Variants in LRRC28 observed in about 807,000 individuals in gnomAD.
LRRC28 encodes the protein leucine-rich repeat-containing protein 28.
In LRRC28, 39 loss-of-function variants were observed where a neutral mutation model predicts 45.7. That is an observed-to-expected ratio of 0.85 (90% CI 0.66 to 1.12). The LOEUF is 1.12. LRRC28 is among the 50% of genes most tolerant of loss of function. The probability of loss-of-function intolerance (pLI) is 0.00; values close to 1 mark genes in which losing one functional copy is unlikely to be tolerated. For synonymous variants in LRRC28, 206 were observed against 178.8 expected (o/e 1.15, Z -1.22); for missense variants, 435 against 438.5 (o/e 0.99, Z 0.07).
At chr15:99,349,747 A>G (rs942688090) in intron 6 of LRRC28, among the ~76,000 whole-genome samples, 4 of 152,228 alleles carry the variant, frequency 2.6e-5, no homozygotes, top group African/African-American at 9.6e-5. Context: ...AATACCAAAA[A>G]CCGGATCAAA....
At chr15:99,280,395 C>G (rs2152187491) in intron 3 of LRRC28, among the ~76,000 whole-genome samples, 1 of 151,778 alleles carries the variant, frequency 6.6e-6, no homozygotes, top group South Asian at 2.1e-4. Flanking sequence ...AGACTCTCTC[C>G]TTTCCCCGCC....
intron 7 of LRRC28, among the ~76,000 whole-genome samples, chr15:99,357,087 T>A (rs1224478407): frequency 3.9e-5 from 6 of 152,158 alleles, no homozygotes; most frequent in Non-Finnish European, 5.9e-5. Flanking sequence ...GAAGAAAAAC[T>A]TTTTTGCTAA....
At chr15:99,276,484 C>A in intron 2 of LRRC28, 92 bp from the exon 3 acceptor site, 1 of 948,964 alleles carries the variant, frequency 1.1e-6, no homozygotes, top group South Asian at 1.8e-5. Context: ...AATTTACACC[C>A]CTCAAAAAGG....
At chr15:99,349,740 A>G (rs1956811041) in intron 6 of LRRC28, among the ~76,000 whole-genome samples, 1 of 152,242 alleles carries the variant, frequency 6.6e-6, no homozygotes, top group Non-Finnish European at 1.5e-5. Flanking sequence ...GGGATGAAAT[A>G]CCAAAAACCG....
intron 9 of LRRC28, among the ~76,000 whole-genome samples, chr15:99,385,481 G>T (rs138197101): frequency 1.3e-5 from 2 of 152,220 alleles, no homozygotes; most frequent in African/African-American, 4.8e-5. Flanking sequence ...CACGCACAAA[G>T]GTGCCCAAAC....
intron 6 of LRRC28, among the ~76,000 whole-genome samples, chr15:99,342,629 G>C (rs981416530): frequency 6.6e-6 from 1 of 152,098 alleles, no homozygotes; most frequent in Non-Finnish European, 1.5e-5. Flanking sequence ...TTCATGTTTG[G>C]ACCCCAAGCA....
At chr15:99,371,251 G>A (rs1597452317) in intron 9 of LRRC28, among the ~76,000 whole-genome samples, 1 of 152,134 alleles carries the variant, frequency 6.6e-6, no homozygotes, top group Admixed American at 6.5e-5. Context: ...ACTGCCAGCC[G>A]GGTGCTGTGG....
In LRRC28 at chr15:99,387,582, G is replaced by T. The variant is rs1273574087; in HGVS notation, c.*1480G>T. 6.6e-6 allele frequency: 1 copy of T among 152,224 alleles called. No individual in the cohort carries two copies. The highest frequency in any genetic ancestry group is 1.5e-5 in the Non-Finnish European group (1 of 68,044). 9.4% of individuals were successfully genotyped at this position (152,224 alleles called of 1,614,324 possible). On this transcript the variant is annotated 3_prime_UTR_variant, in exon 10 of 10. Coordinates refer to ENST00000301981, the MANE Select transcript of LRRC28 (RefSeq NM_144598.5). ...CTGTGAGCCTCCACCCTGCCAGAAA[G>T]AACTCTTCATGAAGAAGTCACGTAT...
chr15:99,356,490 A>G (rs1323006697), intron 7 of LRRC28, among the ~76,000 whole-genome samples: 4 of 152,230 alleles, frequency 2.6e-5, no homozygotes, highest in African/African-American at 4.8e-5. Context: ...AAATGATCCA[A>G]TCTGAAGGAC....
At chr15:99,275,007 G>GA (rs76523141) in intron 2 of LRRC28, among the ~76,000 whole-genome samples, 4 of 151,352 alleles carry the variant, frequency 2.6e-5, no homozygotes, top group South Asian at 2.1e-4. Context: ...GAATGTAAAT[G>GA]AAAAAAAAAT....
At chr15:99,279,521 C>A (rs2081720924) in intron 3 of LRRC28, among the ~76,000 whole-genome samples, 1 of 152,180 alleles carries the variant, frequency 6.6e-6, no homozygotes, top group Admixed American at 6.5e-5. Context: ...TGAGACAAAT[C>A]TTTGACAGTT....
intron 1 of LRRC28, among the ~76,000 whole-genome samples, chr15:99,253,006 TAGAC>T (rs750187136): frequency 6.6e-6 from 1 of 152,100 alleles, no homozygotes; most frequent in Admixed American, 6.5e-5. Flanking sequence ...TTATTGACAA[TAGAC>T]AGATGCAACG....
chr15:99,321,894 A>C (rs539270831), intron 5 of LRRC28, among the ~76,000 whole-genome samples: 2 of 152,232 alleles, frequency 1.3e-5, no homozygotes, highest in African/African-American at 4.8e-5. Flanking sequence ...TAAATGAATA[A>C]GTAATTAAAT....
chr15:99,273,392 A>G (rs2081533004), intron 2 of LRRC28, among the ~76,000 whole-genome samples: 1 of 151,874 alleles, frequency 6.6e-6, no homozygotes, highest in Admixed American at 6.6e-5. Context: ...ACTCACCACC[A>G]CGCCCGGCTA....
At chr15:99,350,379 C>T (rs1956840536) in intron 6 of LRRC28, among the ~76,000 whole-genome samples, 1 of 152,094 alleles carries the variant, frequency 6.6e-6, no homozygotes, top group South Asian at 2.1e-4. Flanking sequence ...AATGTTAACC[C>T]ACCCTACCCT....
intron 1 of LRRC28, among the ~76,000 whole-genome samples, chr15:99,255,043 C>G (rs144342970): frequency 0.013 from 2,041 of 152,148 alleles, 67 homozygotes; most frequent in Non-Finnish European, 0.011. Flanking sequence ...TTCTTTGATG[C>G]CTCTGATAAT....
chr15:99,386,085 TTTGACCTGCTGAG>T lies in LRRC28; in HGVS notation c.1092_1104del (p.Leu365LysfsTer12). 1 of 1,614,100 alleles carries T rather than the reference TTTGACCTGCTGAG, an allele frequency of 6.2e-7. No individual in the cohort carries two copies. Among genetic ancestry groups the T allele is most frequent in the Non-Finnish European group, 8.5e-7 (1 of 1,179,962 alleles). On this transcript the variant is annotated frameshift_variant, in exon 10 of 10. Coordinates refer to ENST00000301981, the MANE Select transcript of LRRC28 (RefSeq NM_144598.5). LOFTEE classifies it high-confidence loss of function. ...CTGCTCCACCCAGTGTCTGCAGACT[TTTGACCTGCTGAG>T]TTGATAAACACTCAAGAACCTCAGG...
chr15:99,276,695 C>A, intron 3 of LRRC28, 79 bp downstream of exon 3: 1 of 1,139,170 alleles, frequency 8.8e-7, no homozygotes, highest in Non-Finnish European at 1.2e-6. Flanking sequence ...GATATGTCAT[C>A]TTAATGTATT....
At chr15:99,293,622 A>AAAAAAAAAAAAAAAAAAC (rs2082189393) in intron 5 of LRRC28, among the ~76,000 whole-genome samples, 1 of 144,574 alleles carries the variant, frequency 6.9e-6, no homozygotes, top group Admixed American at 6.9e-5. Context: ...AAAAAAAAAA[A>AAAAAAAAAAAAAAAAAAC]AAAAAAAAAA....
Sources: gnomAD v4.1 joint callset for allele counts (sites outside exome capture counted in the v4.1 genomes callset) on GRCh38, gnomAD v4.1.1 for gene constraint, MANE v1.5 for transcripts, NCBI Gene and HGNC (gene_info 2026-07-23, HGNC 2026-07-21) for gene names.